MACROD2: variants seen among roughly 807,000 people sequenced by gnomAD.
MACROD2 encodes mono-ADP ribosylhydrolase 2.
Under a neutral mutation model 70.4 loss-of-function variants are expected in MACROD2, and 36 were observed. That is an observed-to-expected ratio of 0.51 (90% confidence interval 0.39 to 0.68). The LOEUF (loss-of-function observed/expected upper bound fraction) is 0.68, where lower values mean the gene tolerates loss of function less well. Ranked by LOEUF, MACROD2 falls within the 30% of genes least tolerant of loss-of-function variation. MACROD2 has a pLI of 0.00. For synonymous variants in MACROD2, 172 were observed against 178.8 expected (o/e 0.96, Z 0.30); for missense variants, 496 against 538.4 (o/e 0.92, Z 0.78).
chr20:15,368,745 G>T (rs1305970606), intron 6 of MACROD2, among the ~76,000 whole-genome samples: 1 of 152,090 alleles, frequency 6.6e-6, no homozygotes, highest in African/African-American at 2.4e-5. Context: ...TTACAGGCGT[G>T]AGCCACCACG....
intron 3 of MACROD2, among the ~76,000 whole-genome samples, chr20:14,174,865 T>G (rs555693543): frequency 1.7e-3 from 256 of 152,316 alleles, no homozygotes; most frequent in Non-Finnish European, 1.3e-3. Context: ...TTCTGCTGCT[T>G]CTTCTACCGT....
intron 4 of MACROD2, among the ~76,000 whole-genome samples, chr20:14,645,266 A>T (rs1985323441): frequency 6.6e-6 from 1 of 152,128 alleles, no homozygotes; most frequent in Admixed American, 6.6e-5. Flanking sequence ...TAAGACATGA[A>T]TTTAATATGA....
chr20:14,049,511 T>A (rs537306162), intron 2 of MACROD2, among the ~76,000 whole-genome samples: 2 of 141,594 alleles, frequency 1.4e-5, no homozygotes, highest in South Asian at 4.6e-4. Context: ...GAGGCCGAGG[T>A]GGACAGATCA....
intron 5 of MACROD2, among the ~76,000 whole-genome samples, chr20:15,036,400 T>C (rs1397344824): frequency 6.6e-6 from 1 of 152,164 alleles, no homozygotes; most frequent in Non-Finnish European, 1.5e-5. Context: ...CAGCATCACC[T>C]GGGAACTTGT....
chr20:14,903,777 T>C (rs979656714), intron 5 of MACROD2, among the ~76,000 whole-genome samples: 2 of 152,146 alleles, frequency 1.3e-5, no homozygotes, highest in African/African-American at 2.4e-5. Flanking sequence ...ATCTGCTGCA[T>C]GTGGTCATTT....
chr20:14,889,701 C>G (rs1022417305), intron 5 of MACROD2, among the ~76,000 whole-genome samples: 2 of 152,050 alleles, frequency 1.3e-5, no homozygotes, highest in African/African-American at 4.8e-5. Context: ...GAAAAGGTAG[C>G]TGTTTAGGGT....
chr20:15,209,401 T>C (rs916588297), intron 5 of MACROD2, among the ~76,000 whole-genome samples: 3 of 152,152 alleles, frequency 2.0e-5, no homozygotes, highest in Non-Finnish European at 1.5e-5. Flanking sequence ...TATTTTTTGC[T>C]TTTCTGTGAG....
At chr20:15,287,385 G>A (rs1276142421) in intron 6 of MACROD2, among the ~76,000 whole-genome samples, 8 of 152,150 alleles carry the variant, frequency 5.3e-5, no homozygotes, top group African/African-American at 9.7e-5. Context: ...TCTTAACAAA[G>A]ATGTTAAATC....
chr20:15,172,523 A>G (rs964774858), intron 5 of MACROD2, among the ~76,000 whole-genome samples: 3 of 151,898 alleles, frequency 2.0e-5, no homozygotes, highest in Non-Finnish European at 2.9e-5. Context: ...AGTGGCTGGG[A>G]CTATTGGCGC....
chr20:14,554,076 C>T (rs1978855799), intron 4 of MACROD2, among the ~76,000 whole-genome samples: 1 of 152,086 alleles, frequency 6.6e-6, no homozygotes, highest in Admixed American at 6.6e-5. Flanking sequence ...TTAATATTTG[C>T]TAGCTGCTGT....
At chr20:14,428,918 G>A (rs2083964450) in intron 3 of MACROD2, among the ~76,000 whole-genome samples, 1 of 152,096 alleles carries the variant, frequency 6.6e-6, no homozygotes, top group African/African-American at 2.4e-5. Flanking sequence ...GCTTTTCGAT[G>A]AGGTAATTTG....
intron 3 of MACROD2, among the ~76,000 whole-genome samples, chr20:14,199,813 C>T (rs1363357286): frequency 6.6e-6 from 1 of 151,586 alleles, no homozygotes; most frequent in Admixed American, 6.6e-5. Flanking sequence ...TATTATTATC[C>T]TCATTTAAAA....
At chr20:13,999,665 A>T (rs972735893) in intron 1 of MACROD2, among the ~76,000 whole-genome samples, 2 of 152,188 alleles carry the variant, frequency 1.3e-5, no homozygotes, top group African/African-American at 4.8e-5. Context: ...ATAAGTTGGG[A>T]ATAATACCTG....
At chr20:15,653,454 A>T (rs1203702064) in intron 8 of MACROD2, among the ~76,000 whole-genome samples, 2 of 152,246 alleles carry the variant, frequency 1.3e-5, no homozygotes, top group Admixed American at 6.5e-5. Flanking sequence ...TCAGTGGAGC[A>T]TCAATCACTC....
In MACROD2 at chr20:15,333,703, G is replaced by A. The variant is rs187739558; in HGVS notation, c.541-97702G>A. Among the ~76,000 whole-genome samples the A allele has an allele frequency of 2.6e-5, 4 of 151,602 alleles. No homozygotes were observed. The East Asian group carries it at 5.8e-4, about 22-fold the overall frequency. The stretch of plus-strand genomic sequence containing the variant: ...AAACAACAGTAATTTCCTCAAAGGC[G>A]TGTTAGGAGGTTCAATTAGTTAATG... On this transcript the variant is annotated intron_variant, in intron 6 of 17. Transcript: ENST00000684519.
At chr20:14,685,014 A>C in intron 5 of MACROD2, 55 bp downstream of exon 5, 1 of 1,357,808 alleles carries the variant, frequency 7.4e-7, no homozygotes, top group Non-Finnish European at 1.1e-6. Context: ...AACTTGTTTT[A>C]CTCCAGTGTA....
At chr20:15,889,027 G>C (rs551885088) in intron 10 of MACROD2, among the ~76,000 whole-genome samples, 2 of 152,144 alleles carry the variant, frequency 1.3e-5, no homozygotes, top group Non-Finnish European at 2.9e-5. Flanking sequence ...AGGGCTACTT[G>C]AGTGAATCAA....
chr20:14,294,244 G>C lies in MACROD2; in HGVS notation c.272-199235G>C, dbSNP rs117605348. Among the ~76,000 whole-genome samples, 757 of 151,468 alleles carry C rather than the reference G, an allele frequency of 5.0e-3. 6 individuals carry two copies. Among genetic ancestry groups the C allele is most frequent in the East Asian group, 9.5e-3 (49 of 5,176 alleles). ...CATGTGTGTGTGTTCATGCATGTGT[G>C]TGTGTTCATGCATGTGTGTATAGCA... is the stretch of plus-strand genomic sequence containing the variant. On this transcript the variant is annotated intron_variant, in intron 3 of 17. Transcript: ENST00000684519.
intron 2 of MACROD2, among the ~76,000 whole-genome samples, chr20:14,048,081 T>C (rs2053504479): frequency 6.6e-6 from 1 of 152,006 alleles, no homozygotes. Flanking sequence ...GGTAGAAGTA[T>C]TGTTAACGAA....
Sources: gnomAD v4.1 joint callset for allele counts (sites outside exome capture counted in the v4.1 genomes callset) on GRCh38, gnomAD v4.1.1 for gene constraint, MANE v1.5 for transcripts, NCBI Gene and HGNC (gene_info 2026-07-23, HGNC 2026-07-21) for gene names.